The following COL21A1 variants were observed in gnomAD, a reference collection of about 807,000 sequenced individuals.
COL21A1 encodes collagen type XXI alpha 1 chain.
In COL21A1, 149 loss-of-function variants were observed where a neutral mutation model predicts 137.9. The ratio of observed to expected loss-of-function variants is 1.08; its 90% confidence interval spans 0.95 to 1.24. COL21A1 has a LOEUF of 1.24. Among genes scored for constraint, COL21A1 ranks in the 50% most tolerant of loss-of-function variants. The pLI is 0.00. For missense variants in COL21A1, 1,167 were observed against 1,158.4 expected (o/e 1.01, Z -0.11); for synonymous variants, 456 against 391.5 (o/e 1.16, Z -1.95).
At chr6:56,075,666 C>G in intron 18 of COL21A1, 134 bp from the exon 19 acceptor site, 1 of 625,472 alleles carries the variant, frequency 1.6e-6, no homozygotes, top group African/African-American at 1.9e-5. Context: ...TCTTCCACTA[C>G]AGTAAGGAAG....
chr6:56,067,618 T>C (rs1021811569), intron 22 of COL21A1, among the ~76,000 whole-genome samples: 10 of 151,768 alleles, frequency 6.6e-5, no homozygotes, highest in Non-Finnish European at 1.0e-4. Context: ...GTTCACAGTT[T>C]TAGGTTAGAC....
rs1053452175 is a variant in COL21A1 at position 56,061,055 on chromosome 6, C to T, written c.2206-18G>A. ...TCACCTCTCTAAAAGCAAAAGAAAT[C>T]TTTACAAGTTCTATTTAAATATTTC... On this transcript the variant is annotated intron_variant, in intron 25 of 29. Coordinates refer to ENST00000244728, the MANE Select transcript of COL21A1 (RefSeq NM_030820.4). 6.4e-7 allele frequency: 1 copy of T among 1,564,252 alleles called. No individual in the cohort carries two copies. The highest frequency in any genetic ancestry group is 8.6e-7 in the Non-Finnish European group (1 of 1,162,526).
chr6:56,081,687 A>T (rs1406236723), intron 17 of COL21A1, among the ~76,000 whole-genome samples: 3 of 151,882 alleles, frequency 2.0e-5, no homozygotes, highest in African/African-American at 7.2e-5. Context: ...TACTTGCAAT[A>T]AACCCTTGAT....
At chr6:56,095,120 C>A (rs1471991783) in intron 17 of COL21A1, among the ~76,000 whole-genome samples, 1 of 152,114 alleles carries the variant, frequency 6.6e-6, no homozygotes, top group Admixed American at 6.6e-5. Flanking sequence ...TTATTAATTT[C>A]TATTTTTACA....
intron 14 of COL21A1, 74 bp downstream of exon 14, chr6:56,125,493 C>A: frequency 5.8e-6 from 6 of 1,031,162 alleles, no homozygotes; most frequent in East Asian, 2.5e-5. Context: ...TGGGTTAGAA[C>A]TGCAATTCTA....
chr6:56,303,267 C>G (rs562764899), intron 1 of COL21A1, among the ~76,000 whole-genome samples: 2 of 152,060 alleles, frequency 1.3e-5, no homozygotes, highest in East Asian at 3.9e-4. Flanking sequence ...TTCTGTGAAG[C>G]AAGTCACAAA....
At chr6:56,339,862 G>A (rs1489366077) in intron 1 of COL21A1, among the ~76,000 whole-genome samples, 1 of 152,136 alleles carries the variant, frequency 6.6e-6, no homozygotes, top group Non-Finnish European at 1.5e-5. Flanking sequence ...TAATGGATAA[G>A]TTTATAGGGA....
In COL21A1 at chr6:56,316,477, C is replaced by CTTTTTTTTTTTTTTTT. The variant is rs60388494; in HGVS notation, c.-39+77478_-39+77493dup. ...CACACCTTTTAAAATTCTAAATAGA[C>CTTTTTTTTTTTTTTTT]TTTTTTTTTTTTTTTTTTTTTTGAG... On this transcript the variant is annotated intron_variant, in intron 1 of 28. Coordinates refer to the COL21A1 transcript ENST00000370819. Among the ~76,000 whole-genome samples the CTTTTTTTTTTTTTTTT allele has an allele frequency of 1.7e-4, 13 of 75,786 alleles. 1 individual carries two copies. The highest frequency in any genetic ancestry group is 4.7e-4 in the East Asian group (1 of 2,114). 49.7% of individuals were successfully genotyped at this position (75,786 alleles called of 152,430 possible).
chr6:56,371,871 G>T (rs375525758), intron 1 of COL21A1, among the ~76,000 whole-genome samples: 1 of 152,212 alleles, frequency 6.6e-6, no homozygotes, highest in African/African-American at 2.4e-5. Flanking sequence ...GAAGATGATC[G>T]GACAAGCAGA....
At chr6:56,069,497 A>G (rs922055137) in intron 21 of COL21A1, among the ~76,000 whole-genome samples, 10 of 150,886 alleles carry the variant, frequency 6.6e-5, no homozygotes, top group African/African-American at 2.2e-4. Flanking sequence ...TTTTTCTCAA[A>G]TTGCTACTTT....
intron 1 of COL21A1, among the ~76,000 whole-genome samples, chr6:56,301,857 C>CG (rs1764301989): frequency 2.8e-5 from 1 of 35,174 alleles, no homozygotes; most frequent in Non-Finnish European, 2.1e-4. Flanking sequence ...CTATTTCTCC[C>CG]CCCCCCAATC....
intron 9 of COL21A1, among the ~76,000 whole-genome samples, chr6:56,157,191 TTC>T (rs1775821902): frequency 6.6e-6 from 1 of 152,192 alleles, no homozygotes; most frequent in African/African-American, 2.4e-5. Flanking sequence ...GTAAAGTATT[TTC>T]CACTGATGCA....
chr6:56,243,046 T>C (rs1475692954), intron 1 of COL21A1, among the ~76,000 whole-genome samples: 1 of 151,844 alleles, frequency 6.6e-6, no homozygotes, highest in Non-Finnish European at 1.5e-5. Flanking sequence ...CATGAGCCCT[T>C]GGCTAAGAAT....
At chr6:56,245,646 G>GC (rs926576220) in intron 1 of COL21A1, among the ~76,000 whole-genome samples, 4 of 152,070 alleles carry the variant, frequency 2.6e-5, no homozygotes, top group African/African-American at 4.8e-5. Flanking sequence ...GTACTAGTAC[G>GC]CCCCACATTT....
chr6:56,137,927 A>G (rs1198297583), intron 12 of COL21A1, among the ~76,000 whole-genome samples: 6 of 152,220 alleles, frequency 3.9e-5, no homozygotes, highest in Non-Finnish European at 5.9e-5. Flanking sequence ...CTGAGCACAC[A>G]TAAGTCAGCA....
In COL21A1 at chr6:56,270,309, A is replaced by G. The variant is rs79561408; in HGVS notation, c.-38-87653T>C. Among the ~76,000 whole-genome samples the G allele has an allele frequency of 2.4e-3, 366 of 152,370 alleles. 1 individual carries two copies. Among genetic ancestry groups the G allele is most frequent in the African/African-American group, 7.9e-3 (330 of 41,590 alleles). ...ATAGACTTTAAACTGACAACAATTA[A>G]TAAGGATAAAGAAGAGCATTACATG... On this transcript the variant is annotated intron_variant, in intron 1 of 28. Coordinates refer to the COL21A1 transcript ENST00000370819.
intron 1 of COL21A1, among the ~76,000 whole-genome samples, chr6:56,208,317 A>G (rs2152303780): frequency 6.6e-6 from 1 of 152,358 alleles, no homozygotes; most frequent in South Asian, 2.1e-4. Context: ...CTGATAAGCA[A>G]CTTCAACAGT....
chr6:56,066,888 T>C lies in COL21A1; in HGVS notation c.2127+407A>G, dbSNP rs1766298208. ...TATTGATTTGAATATGTTTTATATT[T>C]AGGGTTAAAGGTTTTTTATCAAACT... On this transcript the variant is annotated intron_variant, in intron 23 of 29. Coordinates refer to ENST00000244728, the MANE Select transcript of COL21A1 (RefSeq NM_030820.4). 2.0e-5 allele frequency among the ~76,000 whole-genome samples: 3 copies of C among 151,624 alleles called. No homozygotes were observed. In the South Asian group the frequency reaches 6.2e-4, roughly 31 times the overall value.
In COL21A1 at chr6:56,257,773, T is replaced by C. The variant is rs146457282; in HGVS notation, c.-38-75117A>G. ...TGTAATTTTCAAATATCATAAAATA[T>C]TCTTTTAATTTTTTTCAACAATTTA... On this transcript the variant is annotated intron_variant, in intron 1 of 28. Transcript: ENST00000370819. Among the ~76,000 whole-genome samples the C allele has an allele frequency of 1.1e-4, 17 of 152,342 alleles. No individual in the cohort carries two copies. In the East Asian group the frequency reaches 3.3e-3, roughly 29 times the overall value.
Sources: allele counts gnomAD v4.1 joint callset (sites outside exome capture counted in the v4.1 genomes callset), GRCh38; gene constraint gnomAD v4.1.1; transcripts MANE v1.5; gene names NCBI Gene and HGNC (gene_info 2026-07-23, HGNC 2026-07-21).